The following CREBZF variants were observed in gnomAD, a reference collection of about 807,000 sequenced individuals.
CREBZF encodes CREB/ATF bZIP transcription factor, also known as HCF-binding transcription factor Zhangfei.
Under a neutral mutation model 21.1 loss-of-function variants are expected in CREBZF, and 8 were observed. That is an observed-to-expected ratio of 0.38 (90% confidence interval 0.22 to 0.68). The LOEUF (loss-of-function observed/expected upper bound fraction) is 0.68, where lower values mean the gene tolerates loss of function less well. Among genes scored for constraint, CREBZF ranks in the 30% least tolerant of loss-of-function variants. CREBZF has a pLI of 0.51. For synonymous variants in CREBZF, 270 were observed against 223.3 expected (o/e 1.21, Z -1.86); for missense variants, 518 against 484.3 (o/e 1.07, Z -0.65).
At chr11:85,682,480 T>C (rs898901719) in intron 1 of CREBZF, among the ~76,000 whole-genome samples, 6 of 152,040 alleles carry the variant, frequency 3.9e-5, no homozygotes, top group African/African-American at 1.5e-4. Flanking sequence ...AAACGGCAAA[T>C]AAGGATCAAA....
rs1027656607 is a variant in CREBZF, at chr11:85,665,112, A to C, written c.-237T>G. On this transcript the variant is annotated 5_prime_UTR_variant, in exon 1 of 1. Transcript: ENST00000527447. ...ATGACTCGACCGCGCCACCCAGACA[A>C]CGGCGTAGCCGGAAGTCAGTGGTTT... 92 of 415,232 alleles carry C rather than the reference A, an allele frequency of 2.2e-4. No homozygotes were observed. The highest frequency in any genetic ancestry group is 6.1e-5 in the Non-Finnish European group (14 of 228,146). The allele number at this position is 415,232 out of a possible 1,614,324, so 25.7% of individuals were successfully genotyped here.
chr11:85,661,979 T>TAC lies in CREBZF; in HGVS notation c.*1831_*1832insGT, dbSNP rs2082697101. The TAC allele has an allele frequency of 6.7e-6, 1 of 148,568 alleles. No individual in the cohort carries two copies. The highest frequency in any genetic ancestry group is 2.5e-5 in the African/African-American group (1 of 40,722). The allele number at this position is 148,568 out of a possible 1,614,324, so 9.2% of individuals were successfully genotyped here. A position where few individuals can be genotyped will look rare whatever the true frequency, so the allele number is the denominator to read the frequency against. On this transcript the variant is annotated 3_prime_UTR_variant, in exon 1 of 1. Transcript: ENST00000527447. ...TTTGGTTTATATATATATATATATA[T>TAC]GTATATATATATATAATTCAGTAGG...
At chr11:85,675,790 T>C (rs1175544621) in intron 1 of CREBZF, among the ~76,000 whole-genome samples, 1 of 152,234 alleles carries the variant, frequency 6.6e-6, no homozygotes, top group Non-Finnish European at 1.5e-5. Context: ...CATTTTACTT[T>C]AGTTTGCCTG....
rs2082750415 is a variant in CREBZF at position 85,663,535 on chromosome 11, G to A, written c.*276C>T. ...AGATGGATCCTTACCAGGTTGTGAG[G>A]CGGGAACGACTGTTCTGTAACCCCT... On this transcript the variant is annotated 3_prime_UTR_variant, in exon 1 of 1. Transcript: ENST00000527447. 1 of 1,213,538 alleles carries A rather than the reference G, an allele frequency of 8.2e-7. No homozygotes were observed. Among genetic ancestry groups the A allele is most frequent in the Non-Finnish European group, 1.2e-6 (1 of 839,410 alleles). The allele number at this position is 1,213,538 out of a possible 1,614,324, so 75.2% of individuals were successfully genotyped here.
chr11:85,664,645 C>T lies in CREBZF; in HGVS notation c.231G>A (p.Ala77=). The change falls in exon 1 of 1, where the codon GCG becomes GCA. Residue 77 remains alanine, a synonymous_variant. Transcript: ENST00000527447. This position sits in a 1 kb window ranked among gnomAD's most constrained non-coding sequence, Gnocchi z 5.5. ...CCTCCTCCATCTCCTCGGGGGAGGGCGCGCGCACGGCCACGCCGCCGCGGC... is the reference window on the plus strand; with the variant it reads ...CCTCCTCCATCTCCTCGGGGGAGGGTGCGCGCACGGCCACGCCGCCGCGGC... The part of the protein sequence containing the change: ...RGSRGGVAVR[A]PSPEEMEEEA... 1 of 1,607,358 alleles carries T rather than the reference C, an allele frequency of 6.2e-7. No homozygotes were observed.
At chr11:85,677,223 T>C (rs2082948783) in intron 1 of CREBZF, among the ~76,000 whole-genome samples, 1 of 152,034 alleles carries the variant, frequency 6.6e-6, no homozygotes, top group Non-Finnish European at 1.5e-5. Context: ...CCTTGGCCTC[T>C]CAAAGCACTG....
chr11:85,662,271 G>C lies in CREBZF; in HGVS notation c.*1540C>G. ...CAAATAACAAAATAAAACATTTTAT[G>C]TGTAAGATAACTTACATCTTTGGAC... On this transcript the variant is annotated 3_prime_UTR_variant, in exon 1 of 1. Transcript: ENST00000527447. 4 of 605,124 alleles carry C rather than the reference G, an allele frequency of 6.6e-6. No individual in the cohort carries two copies. Among genetic ancestry groups the C allele is most frequent in the Non-Finnish European group, 1.2e-5 (4 of 326,874 alleles). 37.5% of individuals were successfully genotyped at this position (605,124 alleles called of 1,614,324 possible). A position where few individuals can be genotyped will look rare whatever the true frequency, so the allele number is the denominator to read the frequency against.
intron 1 of CREBZF, among the ~76,000 whole-genome samples, chr11:85,671,225 A>T (rs1267616399): frequency 1.3e-5 from 2 of 152,222 alleles, no homozygotes; most frequent in African/African-American, 4.8e-5. Context: ...ATCAGACCTC[A>T]TGAGACTTAT....
chr11:85,670,722 C>T (rs1431937120), intron 1 of CREBZF, among the ~76,000 whole-genome samples: 1 of 152,026 alleles, frequency 6.6e-6, no homozygotes, highest in Non-Finnish European at 1.5e-5. Context: ...GTCAATATCT[C>T]GATAGATTAG....
intron 1 of CREBZF, among the ~76,000 whole-genome samples, chr11:85,672,027 C>T: frequency 6.6e-6 from 1 of 152,270 alleles, no homozygotes. Flanking sequence ...AAACTTATGC[C>T]TGGACAGCCA....
chr11:85,673,170 C>A (rs936978105), intron 1 of CREBZF, among the ~76,000 whole-genome samples: 1 of 152,150 alleles, frequency 6.6e-6, no homozygotes, highest in African/African-American at 2.4e-5. Context: ...TCTATCAGAT[C>A]CTCCCCAAAG....
Position 85,658,978 on chromosome 11 carries a change from G to C in CREBZF, c.*4833C>G, listed in dbSNP as rs2082596021. Reference sequence around the variant, plus strand: ...GACAATAAAGAGTGACTGGTGTTGAGAGTACTGAGGCTACACAGAGGTACT... The same window carrying C: ...GACAATAAAGAGTGACTGGTGTTGACAGTACTGAGGCTACACAGAGGTACT... On this transcript the variant is annotated 3_prime_UTR_variant, in exon 1 of 1. Coordinates refer to ENST00000527447, the MANE Select transcript of CREBZF (RefSeq NM_001039618.4). 6.6e-6 allele frequency among the ~76,000 whole-genome samples: 1 copy of C among 152,016 alleles called. No homozygotes were observed. The highest frequency in any genetic ancestry group is 1.5e-5 in the Non-Finnish European group (1 of 67,914).
In CREBZF at chr11:85,663,262, A is replaced by T. The variant is rs2082738762; in HGVS notation, c.*549T>A. On this transcript the variant is annotated 3_prime_UTR_variant, in exon 1 of 1. Transcript: ENST00000527447. ...CGATGTCATCCAAGGCCATGTCCAC[A>T]CTGGGGACAGAAGAGCTAGGTACAC... The T allele has an allele frequency of 1.9e-6, 1 of 520,342 alleles. No individual in the cohort carries two copies. The highest frequency in any genetic ancestry group is 1.9e-5 in the African/African-American group (1 of 52,254). The allele number at this position is 520,342 out of a possible 1,614,324, so 32.2% of individuals were successfully genotyped here.
In CREBZF at chr11:85,664,350, T is replaced by G. The variant is rs769985112; in HGVS notation, c.526A>C (p.Ser176Arg). 2.5e-6 allele frequency: 4 copies of G among 1,613,130 alleles called. No individual in the cohort carries two copies. Among genetic ancestry groups the G allele is most frequent in the Non-Finnish European group, 3.4e-6 (4 of 1,179,832 alleles). Residue 176 changes from serine (S) to arginine (R), a missense_variant, in exon 1 of 1, where the codon AGC becomes CGC. Physicochemically the swap from Ser to Arg is moderately radical, Grantham distance 110 (BLOSUM62 -1). Transcript: ENST00000527447. This position sits in a 1 kb window ranked among gnomAD's most constrained non-coding sequence, Gnocchi z 5.5. Reference protein sequence around the residue: ...LLNGIGGCSSSSDSGSAEKRR... With the variant: ...LLNGIGGCSSRSDSGSAEKRR... ...TTTTCGGCGCTGCCACTGTCACTGC[T>G]GCTGCTGCAGCCTCCGATACCGTTT...
At chr11:85,670,054 G>T (rs1239171082), upstream of CREBZF, among the ~76,000 whole-genome samples, 1 of 152,062 alleles carries the variant, frequency 6.6e-6, no homozygotes, top group Non-Finnish European at 1.5e-5. Context: ...TGATCTGCCT[G>T]TCTCGGCCTC....
Position 85,664,620 on chromosome 11 carries a change from C to T in CREBZF, c.256G>A (p.Glu86Lys). The T allele has an allele frequency of 6.2e-7, 1 of 1,613,274 alleles. No individual in the cohort carries two copies. The highest frequency in any genetic ancestry group is 8.5e-7 in the Non-Finnish European group (1 of 1,179,670). ...RAPSPEEMEE[E>K]AIASLPGEET... ...TCCCCCGGGAGGCTGGCGATCGCCT[C>T]CTCCTCCATCTCCTCGGGGGAGGGC... The change falls in exon 1 of 1, where the codon GAG becomes AAG. Residue 86 changes from glutamate to lysine, a missense_variant. Physicochemically the swap from Glu to Lys is moderately conservative, Grantham distance 56. Around this residue, in one of 3 missense-constraint regions of CREBZF, gnomAD observed 396 missense variants for 324.4 expected, o/e 1.22. Coordinates refer to ENST00000527447, the MANE Select transcript of CREBZF (RefSeq NM_001039618.4). The surrounding 1 kb of genome is among the most constrained non-coding windows in gnomAD (Gnocchi z 5.5).
chr11:85,661,108 C>A lies in CREBZF; in HGVS notation c.*2703G>T, dbSNP rs891569201. 6.5e-6 allele frequency: 1 copy of A among 153,176 alleles called. No homozygotes were observed. The allele number at this position is 153,176 out of a possible 1,614,324, so 9.5% of individuals were successfully genotyped here. On this transcript the variant is annotated 3_prime_UTR_variant, in exon 1 of 1. Transcript: ENST00000527447. ...CTTTTTTAATTAACAAGTAGTGAAT[C>A]GGACACTTTAAGATATTGTTTACTA...
intron 1 of CREBZF, among the ~76,000 whole-genome samples, chr11:85,672,072 G>A (rs188293698): frequency 1.3e-5 from 2 of 152,256 alleles, no homozygotes; most frequent in Non-Finnish European, 1.5e-5. Flanking sequence ...TCTCGATGGA[G>A]GTTGCCAAAC....
chr11:85,673,595 T>C (rs181681504), intron 1 of CREBZF, among the ~76,000 whole-genome samples: 18 of 152,350 alleles, frequency 1.2e-4, no homozygotes, highest in Admixed American at 8.5e-4. Context: ...TACTGACTCA[T>C]TAAGGTAGTG....
Sources: gnomAD v4.1 joint callset for allele counts (sites outside exome capture counted in the v4.1 genomes callset) on GRCh38, gnomAD v4.1.1 for gene constraint, gnomAD v4.1.1 regional missense constraint, Gnocchi (gnomAD v3.1) non-coding constraint, MANE v1.5 for transcripts, NCBI Gene and HGNC (gene_info 2026-07-23, HGNC 2026-07-21) for gene names.